SETBP1: variants seen among roughly 807,000 people sequenced by gnomAD.
The protein encoded by SETBP1 is SET binding protein 1, also known as SET-binding protein.
SETBP1 carries 9 observed loss-of-function variants against 101.0 expected under a neutral mutation model. The observed-to-expected ratio is 0.09, with a 90% CI of 0.05 to 0.16. The LOEUF (loss-of-function observed/expected upper bound fraction) is 0.16, where lower values mean the gene tolerates loss of function less well. Among genes scored for constraint, SETBP1 ranks in the 10% least tolerant of loss-of-function variants. The pLI, the probability that SETBP1 is intolerant of heterozygous loss-of-function variation, is 1.00. For synonymous variants in SETBP1, 818 were observed against 788.5 expected (o/e 1.04, Z -0.63); for missense variants, 1,858 against 2,033.8 (o/e 0.91, Z 1.66).
chr18:44,755,425 A>T (rs1366747859), intron 2 of SETBP1, among the ~76,000 whole-genome samples: 3 of 151,950 alleles, frequency 2.0e-5, no homozygotes, highest in African/African-American at 7.3e-5. Flanking sequence ...ACAAAGTAGG[A>T]GGAGGAACAG....
In SETBP1 at chr18:44,701,289, C is replaced by T. The variant is rs1166920885; in HGVS notation, c.-58C>T. 3 of 1,450,162 alleles carry T rather than the reference C, an allele frequency of 2.1e-6. No homozygotes were observed. Among genetic ancestry groups the T allele is most frequent in the African/African-American group, 2.9e-5 (2 of 69,692 alleles). 89.8% of individuals were successfully genotyped at this position (1,450,162 alleles called of 1,614,324 possible). The stretch of plus-strand genomic sequence containing the variant: ...TTGGGTGTCCTCTTTTCTCACCTTT[C>T]CCTTTTCCCTTTTCCCCTTCCCCCT... On this transcript the variant is annotated 5_prime_UTR_variant, in exon 2 of 6. Coordinates refer to ENST00000649279, the MANE Select transcript of SETBP1 (RefSeq NM_015559.3).
At chr18:45,022,054 T>A (rs577199442) in intron 4 of SETBP1, among the ~76,000 whole-genome samples, 1 of 152,290 alleles carries the variant, frequency 6.6e-6, no homozygotes, top group East Asian at 1.9e-4. Context: ...GAAAGTGTCT[T>A]AAAATTGCTT....
At chr18:44,712,357 T>C (rs1358197914) in intron 2 of SETBP1, among the ~76,000 whole-genome samples, 1 of 152,206 alleles carries the variant, frequency 6.6e-6, no homozygotes, top group Non-Finnish European at 1.5e-5. Context: ...TTTGCAAATA[T>C]AAACTTGCCC....
intron 4 of SETBP1, among the ~76,000 whole-genome samples, chr18:45,015,111 G>A (rs7233512): frequency 0.37 from 56,016 of 151,986 alleles, 11,022 homozygotes; most frequent in East Asian, 0.52. Flanking sequence ...TAGATTTTTC[G>A]GGGTCCAAGG....
intron 3 of SETBP1, among the ~76,000 whole-genome samples, chr18:44,907,251 A>G (rs1163911592): frequency 1.3e-5 from 2 of 152,206 alleles, no homozygotes; most frequent in African/African-American, 2.4e-5. Flanking sequence ...TATCCATTCA[A>G]TAGCTGATAG....
At chr18:45,011,126 G>A (rs773528699) in intron 4 of SETBP1, among the ~76,000 whole-genome samples, 1 of 152,112 alleles carries the variant, frequency 6.6e-6, no homozygotes, top group Non-Finnish European at 1.5e-5. Flanking sequence ...ATATAAACAC[G>A]TGAAAACATA....
At chr18:44,882,759 CA>C (rs2069559405) in intron 3 of SETBP1, among the ~76,000 whole-genome samples, 1 of 152,106 alleles carries the variant, frequency 6.6e-6, no homozygotes. Context: ...ATCAGATTAG[CA>C]TGGCAGGGCT....
At chr18:45,005,643 C>CT (rs11301319) in intron 4 of SETBP1, among the ~76,000 whole-genome samples, 4,848 of 116,260 alleles carry the variant, frequency 0.042, 211 homozygotes, top group African/African-American at 0.087. Context: ...TAAAATCTTC[C>CT]TTTTTTTTTT....
chr18:44,868,717 A>T (rs1428447178), intron 2 of SETBP1, among the ~76,000 whole-genome samples: 2 of 7,162 alleles, frequency 2.8e-4, no homozygotes, highest in South Asian at 0.011. Context: ...GAAGGGAGGA[A>T]GGAAGGAAGG....
At chr18:45,034,978 G>C (rs1049161873) in intron 4 of SETBP1, among the ~76,000 whole-genome samples, 1 of 150,362 alleles carries the variant, frequency 6.7e-6, no homozygotes, top group African/African-American at 2.5e-5. Context: ...GTTCATGCTG[G>C]GAAGAAACGT....
At chr18:44,966,993 C>A (rs1005799158) in intron 4 of SETBP1, among the ~76,000 whole-genome samples, 2 of 152,156 alleles carry the variant, frequency 1.3e-5, no homozygotes, top group African/African-American at 4.8e-5. Context: ...CTTTCACTTC[C>A]ACTTTAGATA....
intron 2 of SETBP1, among the ~76,000 whole-genome samples, chr18:44,778,364 G>A (rs1277817946): frequency 3.3e-5 from 5 of 152,092 alleles, no homozygotes; most frequent in East Asian, 1.9e-4. Flanking sequence ...AGTTTTATTC[G>A]GGGTATTTTG....
chr18:45,024,793 A>T (rs1653837765), intron 4 of SETBP1, among the ~76,000 whole-genome samples: 1 of 152,194 alleles, frequency 6.6e-6, no homozygotes, highest in South Asian at 2.1e-4. Flanking sequence ...CACTGCATCC[A>T]TTTCTTAAAC....
intron 5 of SETBP1, among the ~76,000 whole-genome samples, chr18:45,053,916 A>G (rs555368654): frequency 1.8e-4 from 28 of 152,302 alleles, no homozygotes; most frequent in African/African-American, 6.5e-4. Context: ...AAAGAAATAT[A>G]AAGAGCCCTT....
At chr18:44,835,614 T>C (rs1251244077) in intron 2 of SETBP1, among the ~76,000 whole-genome samples, 1 of 152,152 alleles carries the variant, frequency 6.6e-6, no homozygotes, top group Non-Finnish European at 1.5e-5. Flanking sequence ...ATTTAATACG[T>C]CTAAGAATCT....
intron 2 of SETBP1, among the ~76,000 whole-genome samples, chr18:44,792,660 G>A (rs1050726707): frequency 4.6e-5 from 7 of 152,140 alleles, no homozygotes; most frequent in Non-Finnish European, 7.4e-5. Flanking sequence ...CCTCTCCTCT[G>A]CCTCCCCTCC....
chr18:44,972,880 A>C lies in SETBP1; in HGVS notation c.4000+19540A>C, dbSNP rs149197525. 7.6e-3 allele frequency among the ~76,000 whole-genome samples: 1,159 copies of C among 152,114 alleles called. 21 individuals carry two copies. Among genetic ancestry groups the C allele is most frequent in the African/African-American group, 0.026 (1,097 of 41,494 alleles). ...GAATACCCTTTATTTCCTTTTCCTGACTGATTGCCCTGGCCAGAACTTCCA... is the reference window on the plus strand; with the variant it reads ...GAATACCCTTTATTTCCTTTTCCTGCCTGATTGCCCTGGCCAGAACTTCCA... On this transcript the variant is annotated intron_variant, in intron 4 of 5. Coordinates refer to ENST00000649279, the MANE Select transcript of SETBP1 (RefSeq NM_015559.3).
At chr18:44,980,839 C>A (rs1049611318) in intron 4 of SETBP1, among the ~76,000 whole-genome samples, 6 of 152,114 alleles carry the variant, frequency 3.9e-5, no homozygotes, top group African/African-American at 1.4e-4. Context: ...AGTAGGAGCC[C>A]AGGTTTGAAA....
intron 2 of SETBP1, among the ~76,000 whole-genome samples, chr18:44,837,947 C>T (rs978638730): frequency 6.6e-6 from 1 of 152,138 alleles, no homozygotes. Flanking sequence ...AATTGCCCAC[C>T]ATTCTCTTGA....
Sources: gnomAD v4.1 joint callset for allele counts (sites outside exome capture counted in the v4.1 genomes callset) on GRCh38, gnomAD v4.1.1 for gene constraint, MANE v1.5 for transcripts, NCBI Gene and HGNC (gene_info 2026-07-23, HGNC 2026-07-21) for gene names.